NAA16: variants seen among roughly 807,000 people sequenced by gnomAD.
The protein encoded by NAA16 is N-alpha-acetyltransferase 16, NatA auxiliary subunit.
Under a neutral mutation model 110.3 loss-of-function variants are expected in NAA16, and 97 were observed. The observed-to-expected ratio is 0.88, with a 90% CI of 0.75 to 1.04. NAA16 has a LOEUF of 1.04. Ranked by LOEUF, NAA16 falls within the 50% of genes least tolerant of loss-of-function variation. NAA16 has a pLI of 0.00. For missense variants in NAA16, 1,017 were observed against 1,005.1 expected (o/e 1.01, Z -0.16); for synonymous variants, 372 against 330.6 (o/e 1.13, Z -1.36).
intron 8 of NAA16, among the ~76,000 whole-genome samples, chr13:41,333,589 A>G (rs2042297810): frequency 6.6e-6 from 1 of 152,070 alleles, no homozygotes. Context: ...GTGTTTCACA[A>G]TATATTGTGT....
intron 11 of NAA16, 95 bp from the exon 12 acceptor site, chr13:41,358,715 C>T (rs2043047079): frequency 2.0e-6 from 3 of 1,466,918 alleles, no homozygotes; most frequent in Non-Finnish European, 2.7e-6. Flanking sequence ...GAAATGGTGA[C>T]AGATTTCTTT....
chr13:41,360,632 T>C (rs943246962), intron 12 of NAA16, among the ~76,000 whole-genome samples: 1 of 152,192 alleles, frequency 6.6e-6, no homozygotes, highest in African/African-American at 2.4e-5. Context: ...CTTGTTCACT[T>C]TATGCACACT....
intron 1 of NAA16, among the ~76,000 whole-genome samples, chr13:41,315,186 T>C (rs1166025945): frequency 6.6e-6 from 1 of 152,040 alleles, no homozygotes; most frequent in Non-Finnish European, 1.5e-5. Flanking sequence ...AGTGGGCAAG[T>C]AGGGGACATG....
intron 1 of NAA16, among the ~76,000 whole-genome samples, chr13:41,315,034 G>T (rs1001861480): frequency 1.3e-4 from 20 of 152,018 alleles, no homozygotes; most frequent in African/African-American, 4.1e-4. Flanking sequence ...TTGTTCTAAG[G>T]ATCCATTATA....
At chr13:41,328,238 A>G (rs2042144556) in intron 6 of NAA16, among the ~76,000 whole-genome samples, 1 of 152,096 alleles carries the variant, frequency 6.6e-6, no homozygotes, top group South Asian at 2.1e-4. Context: ...TCCTGTTACA[A>G]AGTGGTGTTT....
intron 13 of NAA16, chr13:41,362,507 C>A (rs1459389167): frequency 5.5e-6 from 2 of 364,378 alleles, no homozygotes; most frequent in Non-Finnish European, 1.0e-5. Flanking sequence ...CAACCTCTTT[C>A]CCCTTTAAAA....
chr13:41,319,218 G>A (rs993034013), intron 3 of NAA16, among the ~76,000 whole-genome samples: 9 of 152,200 alleles, frequency 5.9e-5, no homozygotes, highest in Middle Eastern at 3.4e-3. Flanking sequence ...AGTTACTTTG[G>A]TAATTGTGAC....
intron 13 of NAA16, among the ~76,000 whole-genome samples, chr13:41,365,245 A>G (rs1861272911): frequency 6.6e-6 from 1 of 152,172 alleles, no homozygotes; most frequent in Non-Finnish European, 1.5e-5. Context: ...GTGATGGAGT[A>G]GTTCTGTGTT....
intron 9 of NAA16, among the ~76,000 whole-genome samples, chr13:41,351,451 G>C (rs568212948): frequency 6.6e-6 from 1 of 152,248 alleles, no homozygotes; most frequent in East Asian, 1.9e-4. Context: ...GTAAAGTAGT[G>C]TACTTAATTT....
At chr13:41,345,521 A>C (rs1330766345) in intron 9 of NAA16, among the ~76,000 whole-genome samples, 1 of 151,700 alleles carries the variant, frequency 6.6e-6, no homozygotes, top group Non-Finnish European at 1.5e-5. Context: ...AGATTGGGTT[A>C]TTTCTCTTTT....
At chr13:41,328,327 T>C (rs2042146490) in intron 6 of NAA16, among the ~76,000 whole-genome samples, 1 of 152,122 alleles carries the variant, frequency 6.6e-6, no homozygotes. Flanking sequence ...AGAATTAATA[T>C]ATGAACTGAT....
intron 13 of NAA16, among the ~76,000 whole-genome samples, chr13:41,363,484 C>T (rs978596015): frequency 6.6e-6 from 1 of 152,126 alleles, no homozygotes; most frequent in East Asian, 1.9e-4. Flanking sequence ...TTTCTTCTAA[C>T]ATTGATGACT....
At chr13:41,318,267 A>G (rs2041858222) in intron 2 of NAA16, among the ~76,000 whole-genome samples, 2 of 151,208 alleles carry the variant, frequency 1.3e-5, no homozygotes, top group African/African-American at 2.4e-5. Flanking sequence ...GTACAGTGGC[A>G]CAATCTTGGC....
rs767515262 is a variant in NAA16, at chr13:41,323,065, T to A, written c.412T>A (p.Tyr138Asn). Reference sequence around the variant, plus strand: ...AAAACTTTTTTTTTAGGAGACAAGATACCAGCTTCTTCAGTTGCGCCCCAC... The same window carrying A: ...AAAACTTTTTTTTTAGGAGACAAGAAACCAGCTTCTTCAGTTGCGCCCCAC... ...RDLEGYRETR[Y>N]QLLQLRPTQR... Residue 138 changes from tyrosine (Y) to asparagine (N), a missense_variant, in exon 5 of 20, where the codon TAC becomes AAC. Coordinates refer to ENST00000379406, the MANE Select transcript of NAA16 (RefSeq NM_024561.5). The A allele has an allele frequency of 6.2e-7, 1 of 1,613,654 alleles. No homozygotes were observed. Among genetic ancestry groups the A allele is most frequent in the Non-Finnish European group, 8.5e-7 (1 of 1,179,862 alleles).
chr13:41,374,865 T>C, intron 19 of NAA16, 26 bp downstream of exon 19: 1 of 1,394,740 alleles, frequency 7.2e-7, no homozygotes, highest in Non-Finnish European at 1.0e-6. Flanking sequence ...TTGGCTGATT[T>C]ATGCTTACAC....
At chr13:41,363,995 A>T (rs1279991806) in intron 13 of NAA16, among the ~76,000 whole-genome samples, 2 of 152,134 alleles carry the variant, frequency 1.3e-5, no homozygotes, top group African/African-American at 4.8e-5. Context: ...GACTAGGTTG[A>T]TGGAATGATT....
chr13:41,325,846 T>C lies in NAA16; in HGVS notation c.686T>C (p.Ile229Thr). 1 of 1,596,704 alleles carries C rather than the reference T, an allele frequency of 6.3e-7. No individual in the cohort carries two copies. ...TGTGATAAACTTTTGGTGGAAGAAA[T>C]TAAAGGTAAGTTGGCTTGCCTTTTT... Reference protein sequence around the residue: ...QICDKLLVEEIKGEILLKLGR... With the variant: ...QICDKLLVEETKGEILLKLGR... The change falls in exon 6 of 20, where the codon ATT (isoleucine) becomes ACT (threonine). Residue 229 changes from isoleucine to threonine, a missense_variant. Physicochemically the swap from Ile to Thr is moderately conservative, Grantham distance 89. Coordinates refer to ENST00000379406, the MANE Select transcript of NAA16 (RefSeq NM_024561.5).
chr13:41,329,109 C>CA (rs926121485), intron 7 of NAA16, among the ~76,000 whole-genome samples: 5 of 151,142 alleles, frequency 3.3e-5, no homozygotes, highest in East Asian at 3.9e-4. Context: ...CAAACCAAAA[C>CA]AAAAAAAACC....
intron 9 of NAA16, among the ~76,000 whole-genome samples, chr13:41,341,976 C>T (rs1027126074): frequency 4.0e-5 from 6 of 151,364 alleles, no homozygotes; most frequent in Middle Eastern, 3.2e-3. Context: ...GGACTACAGG[C>T]GCCCGCTACC....
Sources: allele counts gnomAD v4.1 joint callset (sites outside exome capture counted in the v4.1 genomes callset), GRCh38; gene constraint gnomAD v4.1.1; transcripts MANE v1.5; gene names NCBI Gene and HGNC (gene_info 2026-07-23, HGNC 2026-07-21).